SCN1A: variants seen among roughly 807,000 people sequenced by gnomAD.
SCN1A encodes sodium channel protein type 1 subunit alpha.
SCN1A carries 13 observed loss-of-function variants against 193.7 expected under a neutral mutation model. That is an observed-to-expected ratio of 0.07 (90% CI 0.04 to 0.11). The LOEUF is 0.11. SCN1A is among the 10% of genes least tolerant of loss of function. The pLI is 1.00. For synonymous variants in SCN1A, 781 were observed against 843.6 expected (o/e 0.93, Z 1.29); for missense variants, 1,432 against 2,451.1 (o/e 0.58, Z 8.78).
intron 19 of SCN1A, among the ~76,000 whole-genome samples, chr2:166,021,610 G>A (rs1694078572): frequency 6.6e-6 from 1 of 152,050 alleles, no homozygotes; most frequent in Non-Finnish European, 1.5e-5. Flanking sequence ...ATAAAAACAA[G>A]AAAGGCATTA....
At chr2:166,013,611 C>T in intron 21 of SCN1A, 133 bp downstream of exon 21, 1 of 772,288 alleles carries the variant, frequency 1.3e-6, no homozygotes, top group Non-Finnish European at 2.2e-6. Flanking sequence ...TAGAGTAAAT[C>T]TATAGAAGAT....
chr2:166,087,599 T>C (rs1686281982), intron 2 of SCN1A, among the ~76,000 whole-genome samples: 1 of 152,120 alleles, frequency 6.6e-6, no homozygotes. Context: ...CAATAGAAGC[T>C]GATTCTGGTG....
chr2:166,015,759 C>A (rs755660181), intron 19 of SCN1A, 32 bp from the exon 20 acceptor site: 21 of 1,611,372 alleles, frequency 1.3e-5, no homozygotes, highest in Non-Finnish European at 1.8e-5. Flanking sequence ...AAAGTAAAGT[C>A]CTTTAATTTT....
At chr2:166,065,999 A>G (rs1251394577) in intron 4 of SCN1A, among the ~76,000 whole-genome samples, 1 of 152,194 alleles carries the variant, frequency 6.6e-6, no homozygotes, top group Non-Finnish European at 1.5e-5. Context: ...CATTGTTGCC[A>G]TATGCTCACA....
intron 20 of SCN1A, among the ~76,000 whole-genome samples, 174 bp downstream of exon 20, chr2:166,015,433 T>C (rs1224601935): frequency 6.6e-6 from 1 of 151,996 alleles, no homozygotes; most frequent in East Asian, 1.9e-4. Flanking sequence ...TGGGCAGATA[T>C]AATCAAAGCA....
intron 2 of SCN1A, among the ~76,000 whole-genome samples, chr2:166,088,926 C>A (rs1686452105): frequency 6.6e-6 from 1 of 152,192 alleles, no homozygotes; most frequent in Non-Finnish European, 1.5e-5. Flanking sequence ...TTTAAGATAT[C>A]TGAACAGGGT....
intron 2 of SCN1A, among the ~76,000 whole-genome samples, chr2:166,093,204 A>C (rs146594494): frequency 0.012 from 1,863 of 152,042 alleles, 44 homozygotes; most frequent in African/African-American, 0.041. Flanking sequence ...GAAAAAAAAA[A>C]CAGAAATAAC....
intron 27 of SCN1A, among the ~76,000 whole-genome samples, chr2:165,995,239 A>G (rs1228816409): frequency 6.6e-6 from 1 of 151,748 alleles, no homozygotes; most frequent in Non-Finnish European, 1.5e-5. Flanking sequence ...GAAAGTATAT[A>G]TTTCTCATCA....
In SCN1A at chr2:166,007,130, C is replaced by T. The variant is rs1463806870; in HGVS notation, c.4002+2589G>A. On this transcript the variant is annotated intron_variant, in intron 23 of 28. Transcript: ENST00000674923. ...GGATGTAAATAATGTATTTTCCCTACTGTGGTGCAATAATAGTACCCTTCC... is the reference window on the plus strand; with the variant it reads ...GGATGTAAATAATGTATTTTCCCTATTGTGGTGCAATAATAGTACCCTTCC... The T allele has an allele frequency of 6.7e-6, 1 of 149,746 alleles. No individual in the cohort carries two copies. The highest frequency in any genetic ancestry group is 2.5e-5 in the African/African-American group (1 of 40,774). 9.3% of individuals were successfully genotyped at this position (149,746 alleles called of 1,614,324 possible). A position where few individuals can be genotyped will look rare whatever the true frequency, so the allele number is the denominator to read the frequency against.
At chr2:166,042,854 A>G (rs1016207513) in intron 14 of SCN1A, among the ~76,000 whole-genome samples, 1 of 152,204 alleles carries the variant, frequency 6.6e-6, no homozygotes. Flanking sequence ...CTTAGCTGCC[A>G]TCTTATTTTC....
Position 165,989,388 on chromosome 2 carries a change from A to C in SCN1A, c.*1857T>G, listed in dbSNP as rs1300490280. On this transcript the variant is annotated 3_prime_UTR_variant, in exon 29 of 29. Transcript: ENST00000674923. Reference sequence around the variant, plus strand: ...GTTTTTGTGGAAAAAAAAATTATGAAGCCCACATTCTATTTAGAACAATCT... The same window carrying C: ...GTTTTTGTGGAAAAAAAAATTATGACGCCCACATTCTATTTAGAACAATCT... The C allele has an allele frequency of 6.6e-6, 1 of 152,554 alleles. No homozygotes were observed. Among genetic ancestry groups the C allele is most frequent in the African/African-American group, 2.4e-5 (1 of 41,430 alleles). 9.5% of individuals were successfully genotyped at this position (152,554 alleles called of 1,614,324 possible). A position where few individuals can be genotyped will look rare whatever the true frequency, so the allele number is the denominator to read the frequency against.
chr2:166,053,122 G>T (rs1356477782), intron 7 of SCN1A, 179 bp from the exon 8 acceptor site: 28 of 1,160,518 alleles, frequency 2.4e-5, no homozygotes, highest in Non-Finnish European at 3.6e-5. Flanking sequence ...TACAAATTCT[G>T]TTACAAACCT....
chr2:166,110,583 T>C (rs1327786072), intron 2 of SCN1A, among the ~76,000 whole-genome samples: 1 of 152,068 alleles, frequency 6.6e-6, no homozygotes, highest in Non-Finnish European at 1.5e-5. Flanking sequence ...AGAAGAAAAG[T>C]TTGAAGTTAG....
At chr2:166,006,816 G>T (rs1302187481) in intron 23 of SCN1A, among the ~76,000 whole-genome samples, 1 of 151,158 alleles carries the variant, frequency 6.6e-6, no homozygotes, top group Non-Finnish European at 1.5e-5. Context: ...GTAATTTTCA[G>T]GACCCAGACC....
rs532193140 is a variant in SCN1A at position 166,106,812 on chromosome 2, A to T, written c.-142+20112T>A. ...ATCAAAATGTAGCATTAGAACCAGG[A>T]AGAGAAGCCCCTTCCTCCTGCAGTG... On this transcript the variant is annotated intron_variant, in intron 2 of 28. Coordinates refer to ENST00000674923, the MANE Select transcript of SCN1A (RefSeq NM_001165963.4). Among the ~76,000 whole-genome samples, 16 of 152,232 alleles carry T rather than the reference A, an allele frequency of 1.1e-4. No homozygotes were observed. In the East Asian group the frequency reaches 2.9e-3, roughly 28 times the overall value.
intron 4 of SCN1A, among the ~76,000 whole-genome samples, chr2:166,068,069 G>A (rs1684036682): frequency 6.6e-6 from 1 of 152,174 alleles, no homozygotes; most frequent in Non-Finnish European, 1.5e-5. Context: ...CTGCCATCTT[G>A]TGGAAGAGCC....
intron 1 of SCN1A, among the ~76,000 whole-genome samples, chr2:166,136,137 T>C (rs1691845730): frequency 2.0e-5 from 3 of 152,188 alleles, no homozygotes; most frequent in Admixed American, 2.0e-4. Flanking sequence ...TTTGAAAGTC[T>C]CTTTTACATT....
intron 4 of SCN1A, among the ~76,000 whole-genome samples, chr2:166,061,096 T>C (rs896448960): frequency 6.6e-6 from 1 of 152,104 alleles, no homozygotes; most frequent in Non-Finnish European, 1.5e-5. Flanking sequence ...GTACTGTTTG[T>C]ACCTCCGTGG....
At chr2:166,002,405 A>T in intron 24 of SCN1A, 67 bp downstream of exon 24, 2 of 1,426,858 alleles carry the variant, frequency 1.4e-6, no homozygotes, top group South Asian at 1.2e-5. Context: ...TAAATAATAG[A>T]TGTATGTCAT....
Sources: allele counts gnomAD v4.1 joint callset (sites outside exome capture counted in the v4.1 genomes callset), GRCh38; gene constraint gnomAD v4.1.1; transcripts MANE v1.5; gene names NCBI Gene and HGNC (gene_info 2026-07-23, HGNC 2026-07-21).